Variants in HS6ST3 observed in about 807,000 individuals in gnomAD.
HS6ST3 encodes heparan-sulfate 6-O-sulfotransferase 3.
Under a neutral mutation model 36.7 loss-of-function variants are expected in HS6ST3, and 12 were observed. The observed-to-expected ratio is 0.33, with a 90% CI of 0.21 to 0.53. HS6ST3 has a LOEUF of 0.53. Ranked by LOEUF, HS6ST3 falls within the 20% of genes least tolerant of loss-of-function variation. The pLI, the probability that HS6ST3 is intolerant of heterozygous loss-of-function variation, is 0.95. For synonymous variants in HS6ST3, 240 were observed against 257.5 expected (o/e 0.93, Z 0.65); for missense variants, 584 against 640.9 (o/e 0.91, Z 0.96).
At chr13:96,449,083 A>C (rs1416037032) in intron 1 of HS6ST3, among the ~76,000 whole-genome samples, 1 of 151,878 alleles carries the variant, frequency 6.6e-6, no homozygotes, top group East Asian at 1.9e-4. Flanking sequence ...TGCCTCAGCT[A>C]CCTGAGTAGC....
intron 1 of HS6ST3, among the ~76,000 whole-genome samples, chr13:96,204,069 A>G (rs1486908659): frequency 6.6e-6 from 1 of 152,228 alleles, no homozygotes; most frequent in Non-Finnish European, 1.5e-5. Flanking sequence ...AAAGATTACT[A>G]TTAAAATATT....
intron 1 of HS6ST3, among the ~76,000 whole-genome samples, chr13:96,364,001 G>A (rs1010153004): frequency 2.0e-5 from 3 of 151,688 alleles, no homozygotes; most frequent in Non-Finnish European, 2.9e-5. Flanking sequence ...TGTTTATTTC[G>A]GTAAATATTG....
In HS6ST3 at chr13:96,839,071, A is replaced by G. The variant is rs771437218; in HGVS notation, c.*5873A>G. The G allele has an allele frequency of 6.6e-6, 1 of 152,202 alleles. No homozygotes were observed. Among genetic ancestry groups the G allele is most frequent in the Non-Finnish European group, 1.5e-5 (1 of 68,026 alleles). 9.4% of individuals were successfully genotyped at this position (152,202 alleles called of 1,614,324 possible). On this transcript the variant is annotated 3_prime_UTR_variant, in exon 2 of 2. Coordinates refer to ENST00000376705, the MANE Select transcript of HS6ST3 (RefSeq NM_153456.4). ...GCTACATGTTCTGCTGCATTATGGG[A>G]ACTCATCAAAGGGCCAGATTGACAT... is the stretch of plus-strand genomic sequence containing the variant.
chr13:96,393,545 G>A (rs1175150107), intron 1 of HS6ST3, among the ~76,000 whole-genome samples: 2 of 152,130 alleles, frequency 1.3e-5, no homozygotes, highest in African/African-American at 4.8e-5. Flanking sequence ...ATTTTTGGCA[G>A]TACTTGGAGA....
chr13:96,341,619 A>G (rs903032960), intron 1 of HS6ST3, among the ~76,000 whole-genome samples: 1 of 152,140 alleles, frequency 6.6e-6, no homozygotes, highest in Non-Finnish European at 1.5e-5. Context: ...CATGTGACAT[A>G]ACTACCTGGG....
At chr13:96,324,130 G>T (rs1010394375) in intron 1 of HS6ST3, among the ~76,000 whole-genome samples, 24 of 152,156 alleles carry the variant, frequency 1.6e-4, no homozygotes, top group Non-Finnish European at 2.9e-4. Context: ...GACTCAGAGA[G>T]GAAACTGATA....
intron 1 of HS6ST3, among the ~76,000 whole-genome samples, chr13:96,743,360 T>G (rs1876488580): frequency 6.6e-6 from 1 of 152,080 alleles, no homozygotes; most frequent in Non-Finnish European, 1.5e-5. Context: ...GAACAGTCAC[T>G]CGGGCAATCC....
At chr13:96,482,060 G>T (rs574945231) in intron 1 of HS6ST3, among the ~76,000 whole-genome samples, 3 of 152,052 alleles carry the variant, frequency 2.0e-5, no homozygotes, top group Non-Finnish European at 4.4e-5. Flanking sequence ...CCTTACTATT[G>T]CTGAAAGTTT....
At chr13:96,622,968 A>C (rs951292734) in intron 1 of HS6ST3, among the ~76,000 whole-genome samples, 8 of 152,070 alleles carry the variant, frequency 5.3e-5, no homozygotes, top group African/African-American at 1.9e-4. Context: ...ACACAATTTC[A>C]ATCTCCCTTT....
intron 1 of HS6ST3, among the ~76,000 whole-genome samples, chr13:96,500,292 G>A (rs1327586881): frequency 6.6e-6 from 1 of 152,172 alleles, no homozygotes; most frequent in Non-Finnish European, 1.5e-5. Context: ...GTAATAGTCT[G>A]TGGTAAGGAT....
At chr13:96,745,030 C>A (rs1407480659) in intron 1 of HS6ST3, among the ~76,000 whole-genome samples, 1 of 151,976 alleles carries the variant, frequency 6.6e-6, no homozygotes, top group Non-Finnish European at 1.5e-5. Context: ...AACTACTAAC[C>A]CAACATTTCC....
In HS6ST3 at chr13:96,474,084, T is replaced by C. The variant is rs187846832; in HGVS notation, c.708-358406T>C. On this transcript the variant is annotated intron_variant, in intron 1 of 1. Transcript: ENST00000376705. ...ACCTACAATGAGCAGTGAATATCAA[T>C]GAGAGGAAAATGGCCCATTTTTGCT... Among the ~76,000 whole-genome samples, 7 of 150,240 alleles carry C rather than the reference T, an allele frequency of 4.7e-5. No homozygotes were observed. In the East Asian group the frequency reaches 1.4e-3, roughly 29 times the overall value.
At chr13:96,619,160 T>G (rs953214388) in intron 1 of HS6ST3, among the ~76,000 whole-genome samples, 2 of 152,206 alleles carry the variant, frequency 1.3e-5, no homozygotes, top group Non-Finnish European at 2.9e-5. Flanking sequence ...TCCATTGAAG[T>G]GTATGAATGT....
chr13:96,588,412 C>T (rs1313896522), intron 1 of HS6ST3, among the ~76,000 whole-genome samples: 1 of 152,022 alleles, frequency 6.6e-6, no homozygotes, highest in African/African-American at 2.4e-5. Flanking sequence ...TTTTTCCATA[C>T]CTAATCTGTT....
chr13:96,226,507 C>T (rs1300450247), intron 1 of HS6ST3, among the ~76,000 whole-genome samples: 2 of 151,730 alleles, frequency 1.3e-5, no homozygotes, highest in African/African-American at 2.4e-5. Context: ...GCAACAAGAG[C>T]GAAACTCCAT....
chr13:96,588,950 C>G (rs1245199952), intron 1 of HS6ST3, among the ~76,000 whole-genome samples: 2 of 151,010 alleles, frequency 1.3e-5, no homozygotes, highest in Non-Finnish European at 1.5e-5. Flanking sequence ...ACTCCAGAGG[C>G]TGAGGCAGGA....
intron 1 of HS6ST3, among the ~76,000 whole-genome samples, chr13:96,147,299 T>G (rs1238763772): frequency 6.6e-6 from 1 of 152,178 alleles, no homozygotes; most frequent in Non-Finnish European, 1.5e-5. Context: ...CCCAAATCAC[T>G]CAAATCACAG....
At chr13:96,651,666 C>T (rs1330826495) in intron 1 of HS6ST3, among the ~76,000 whole-genome samples, 1 of 152,096 alleles carries the variant, frequency 6.6e-6, no homozygotes, top group African/African-American at 2.4e-5. Context: ...CCACCTTGGA[C>T]CAGATCATAA....
At chr13:96,227,265 G>C (rs1410475092) in intron 1 of HS6ST3, among the ~76,000 whole-genome samples, 3 of 152,100 alleles carry the variant, frequency 2.0e-5, no homozygotes, top group African/African-American at 7.2e-5. Flanking sequence ...AGCACTTGTT[G>C]AGAGCCATGC....
Sources: allele counts gnomAD v4.1 joint callset (sites outside exome capture counted in the v4.1 genomes callset), GRCh38; gene constraint gnomAD v4.1.1; transcripts MANE v1.5; gene names NCBI Gene and HGNC (gene_info 2026-07-23, HGNC 2026-07-21).